TRANK1: variants seen among roughly 807,000 people sequenced by gnomAD.
TRANK1 encodes TPR and ankyrin repeat-containing protein 1.
TRANK1 carries 198 observed loss-of-function variants against 266.0 expected under a neutral mutation model. That is an observed-to-expected ratio of 0.74 (90% CI 0.66 to 0.84). The LOEUF (loss-of-function observed/expected upper bound fraction) is 0.84. Ranked by LOEUF, TRANK1 falls within the 40% of genes least tolerant of loss-of-function variation. The pLI is 0.00. For synonymous variants in TRANK1, 1,396 were observed against 1,384.1 expected, an observed-to-expected ratio of 1.01 and a Z score of -0.19; for missense variants, 3,326 against 3,634.6, an observed-to-expected ratio of 0.92 and a Z score of 2.18.
intron 9 of TRANK1, among the ~76,000 whole-genome samples, chr3:36,867,872 C>T (rs1164049051): frequency 2.6e-5 from 4 of 152,222 alleles, no homozygotes; most frequent in Non-Finnish European, 4.4e-5. Flanking sequence ...ATTTGGTCCC[C>T]ACCGGGGACA....
intron 1 of TRANK1, among the ~76,000 whole-genome samples, chr3:36,941,615 T>A (rs1408245693): frequency 8.7e-6 from 1 of 115,368 alleles, no homozygotes; most frequent in East Asian, 2.4e-4. Context: ...GTAATCACTC[T>A]TGGCTGGGCA....
rs1335352179 is a variant in TRANK1 at position 36,918,564 on chromosome 3, TAGGA to T, written c.24-10114_24-10111del. ...GAAGGAAGGAAGGAAGGAAGGAAGG[TAGGA>T]AGGAAGGAAGGAAGGAAGGAAGGAA... On this transcript the variant is annotated intron_variant, in intron 1 of 23. Transcript: ENST00000645898. 5.1e-3 allele frequency among the ~76,000 whole-genome samples: 79 copies of T among 15,636 alleles called. 3 individuals carry two copies. The highest frequency in any genetic ancestry group is 3.5e-3 in the African/African-American group (17 of 4,852). 10.3% of individuals were successfully genotyped at this position (15,636 alleles called of 152,430 possible). A position where few individuals can be genotyped will look rare whatever the true frequency, so the allele number is the denominator to read the frequency against.
chr3:36,928,527 A>G (rs9311143), intron 1 of TRANK1, among the ~76,000 whole-genome samples: 4,497 of 152,180 alleles, frequency 0.03, 219 homozygotes, highest in African/African-American at 0.1. Flanking sequence ...CAGAAGCAGG[A>G]CTCCTGGGAA....
At chr3:36,889,482 T>C (rs1214701090) in intron 8 of TRANK1, among the ~76,000 whole-genome samples, 1 of 152,164 alleles carries the variant, frequency 6.6e-6, no homozygotes, top group East Asian at 1.9e-4. Context: ...AATTCCTCTC[T>C]ACCAGCTAAC....
rs192136045 is a variant in TRANK1, at chr3:36,827,567, A to G, written c.*708T>C. 1 of 152,376 alleles carries G rather than the reference A, an allele frequency of 6.6e-6. No individual in the cohort carries two copies. Among genetic ancestry groups the G allele is most frequent in the Non-Finnish European group, 1.5e-5 (1 of 68,038 alleles). The allele number at this position is 152,376 out of a possible 1,614,324, so 9.4% of individuals were successfully genotyped here. A position where few individuals can be genotyped will look rare whatever the true frequency, so the allele number is the denominator to read the frequency against. On this transcript the variant is annotated 3_prime_UTR_variant, in exon 24 of 24. Transcript: ENST00000645898. ...ATTCCCCAGCCTTTCCCCCTAGGGA[A>G]GGGACATCCAAAGAACACTGGGTGA...
intron 1 of TRANK1, among the ~76,000 whole-genome samples, chr3:36,912,011 AC>A (rs1158090973): frequency 5.3e-5 from 8 of 151,954 alleles, no homozygotes; most frequent in African/African-American, 9.7e-5. Context: ...ACATGGTGAA[AC>A]CCCCATCTCT....
In TRANK1 at chr3:36,855,576, G is replaced by C; in HGVS notation, c.4146C>G (p.Pro1382=). The stretch of plus-strand genomic sequence containing the variant: ...TCTCACTCCGGTCTTCCTTGAAATT[G>C]GGGCACCGTTTCCTCCCTAATTTCT... ...VYKKLGRKRC[P]NFKEDRSEIY... Residue 1382 remains proline (P), a synonymous_variant, in exon 13 of 24, where the codon CCC becomes CCG. Transcript: ENST00000645898. 6.2e-7 allele frequency: 1 copy of C among 1,613,644 alleles called. No homozygotes were observed. The highest frequency in any genetic ancestry group is 8.5e-7 in the Non-Finnish European group (1 of 1,179,822).
rs1264209114 is a variant in TRANK1, at chr3:36,879,663, AAT to A, written c.908-5369_908-5368del. Among the ~76,000 whole-genome samples the A allele has an allele frequency of 2.9e-3, 155 of 53,694 alleles. 28 individuals are homozygous for A. The highest frequency in any genetic ancestry group is 0.011 in the Middle Eastern group (1 of 88). The allele number at this position is 53,694 out of a possible 152,430, so 35.2% of individuals were successfully genotyped here. A position where few individuals can be genotyped will look rare whatever the true frequency, so the allele number is the denominator to read the frequency against. On this transcript the variant is annotated intron_variant, in intron 8 of 23. Coordinates refer to ENST00000645898, the MANE Select transcript of TRANK1 (RefSeq NM_001329998.2). ...ATATACAAATATATATAAATATATAAATATATATAAATATATAAATATATAAA... is the reference window on the plus strand; with the variant it reads ...ATATACAAATATATATAAATATATAAATATATAAATATATAAATATATAAA...
intron 3 of TRANK1, among the ~76,000 whole-genome samples, chr3:36,900,782 G>A (rs763503676): frequency 1.4e-5 from 2 of 141,976 alleles, no homozygotes; most frequent in East Asian, 2.1e-4. Context: ...TTCCAGAGGC[G>A]GAGGGAGGAG....
intron 1 of TRANK1, among the ~76,000 whole-genome samples, chr3:36,936,053 G>A (rs1326673514): frequency 3.9e-5 from 6 of 152,186 alleles, no homozygotes; most frequent in Non-Finnish European, 7.3e-5. Flanking sequence ...GAATCTAATG[G>A]TCAGCAAACA....
At chr3:36,870,417 A>G (rs1187202515) in intron 9 of TRANK1, among the ~76,000 whole-genome samples, 1 of 131,416 alleles carries the variant, frequency 7.6e-6, no homozygotes, top group East Asian at 2.9e-4. Context: ...CAAAAAAAAA[A>G]AAAAGAGAGA....
At chr3:36,931,059 A>G (rs113430165) in intron 1 of TRANK1, among the ~76,000 whole-genome samples, 4 of 152,326 alleles carry the variant, frequency 2.6e-5, no homozygotes, top group African/African-American at 7.2e-5. Context: ...TGACACATAC[A>G]TATGGCCTTT....
chr3:36,847,405 C>A, intron 15 of TRANK1, 59 bp from the exon 16 acceptor site: 1 of 1,566,516 alleles, frequency 6.4e-7, no homozygotes, highest in South Asian at 1.2e-5. Flanking sequence ...ACGCATACAG[C>A]CTCCCTGAGC....
intron 15 of TRANK1, among the ~76,000 whole-genome samples, chr3:36,849,560 A>G (rs116635635): frequency 6.6e-6 from 1 of 152,224 alleles, no homozygotes; most frequent in Non-Finnish European, 1.5e-5. Context: ...CTTGCCTGAA[A>G]TATAAATGAG....
At chr3:36,878,559 G>A (rs9810132) in intron 8 of TRANK1, among the ~76,000 whole-genome samples, 50,139 of 151,900 alleles carry the variant, frequency 0.33, 9,283 homozygotes, top group East Asian at 0.57. Context: ...GGGCTACACA[G>A]CTAGAATACT....
At chr3:36,840,824 A>G (rs936298029) in intron 18 of TRANK1, among the ~76,000 whole-genome samples, 2 of 152,236 alleles carry the variant, frequency 1.3e-5, no homozygotes, top group African/African-American at 4.8e-5. Context: ...TGAGGTGCTC[A>G]GCTGAGCACA....
chr3:36,833,037 G>T lies in TRANK1; in HGVS notation c.6546C>A (p.Ser2182Arg). The change falls in exon 22 of 24, where the codon AGC becomes AGA. Residue 2182 changes from serine to arginine, a missense_variant. By Grantham distance (110) the Ser-to-Arg change is moderately radical (BLOSUM62 -1). Coordinates refer to ENST00000645898, the MANE Select transcript of TRANK1 (RefSeq NM_001329998.2). ...LLGRLCQITR[S>R]LLGKTYRGVC... ...CTCCTCGGTAGGTCTTCCCAAGCAG[G>T]CTCCGTGTGATCTGACACAGCCTGC... is the stretch of plus-strand genomic sequence containing the variant. 5 of 1,612,778 alleles carry T rather than the reference G, an allele frequency of 3.1e-6. No individual in the cohort carries two copies. The highest frequency in any genetic ancestry group is 4.2e-6 in the Non-Finnish European group (5 of 1,179,322).
chr3:36,847,407 T>G, intron 15 of TRANK1, 61 bp from the exon 16 acceptor site: 1 of 1,562,946 alleles, frequency 6.4e-7, no homozygotes, highest in Non-Finnish European at 8.7e-7. Context: ...GCATACAGCC[T>G]CCCTGAGCTT....
At chr3:36,886,968 G>C (rs1249081890) in intron 8 of TRANK1, among the ~76,000 whole-genome samples, 1 of 147,184 alleles carries the variant, frequency 6.8e-6, no homozygotes. Flanking sequence ...GTGCAGTGGC[G>C]CAATCTCAGC....
Sources: allele counts gnomAD v4.1 joint callset (sites outside exome capture counted in the v4.1 genomes callset), GRCh38; gene constraint gnomAD v4.1.1; transcripts MANE v1.5; gene names NCBI Gene and HGNC (gene_info 2026-07-23, HGNC 2026-07-21).